GRID2: variants seen among roughly 807,000 people sequenced by gnomAD.
The protein encoded by GRID2 is glutamate receptor ionotropic, delta-2.
In GRID2, 33 loss-of-function variants were observed where a neutral mutation model predicts 114.8. The ratio of observed to expected loss-of-function variants is 0.29; its 90% CI spans 0.22 to 0.38. GRID2 has a LOEUF of 0.38. GRID2 is among the 10% of genes least tolerant of loss of function. The pLI, the probability that GRID2 is intolerant of heterozygous loss-of-function variation, is 1.00. For missense variants in GRID2, 1,184 were observed against 1,257.7 expected (o/e 0.94, Z 0.89); for synonymous variants, 505 against 449.9 (o/e 1.12, Z -1.55).
At chr4:92,862,668 TGG>T (rs1744607637) in intron 2 of GRID2, among the ~76,000 whole-genome samples, 1 of 152,126 alleles carries the variant, frequency 6.6e-6, no homozygotes. Context: ...AAAAGTTTTC[TGG>T]TACTTTGCAG....
intron 2 of GRID2, among the ~76,000 whole-genome samples, chr4:92,669,133 A>G (rs1275964156): frequency 6.6e-6 from 1 of 151,966 alleles, no homozygotes; most frequent in Non-Finnish European, 1.5e-5. Flanking sequence ...AATGTTTTGA[A>G]TATATACAAG....
chr4:92,654,842 G>A (rs536802377), intron 2 of GRID2, among the ~76,000 whole-genome samples: 27 of 151,968 alleles, frequency 1.8e-4, no homozygotes, highest in African/African-American at 5.8e-4. Flanking sequence ...TTCTCCCATT[G>A]AAGATGTTGT....
chr4:93,500,800 A>T (rs1184323854), intron 12 of GRID2, among the ~76,000 whole-genome samples: 2 of 151,984 alleles, frequency 1.3e-5, no homozygotes, highest in African/African-American at 4.8e-5. Flanking sequence ...GGGTCAGGAT[A>T]TATATTTGCC....
chr4:93,393,090 CAT>C (rs1272403080), intron 8 of GRID2, among the ~76,000 whole-genome samples: 1 of 151,950 alleles, frequency 6.6e-6, no homozygotes, highest in Non-Finnish European at 1.5e-5. Context: ...ACCCCATTAT[CAT>C]ATGTGATAAG....
chr4:93,236,688 C>A (rs1358987146), intron 7 of GRID2, among the ~76,000 whole-genome samples: 2 of 152,070 alleles, frequency 1.3e-5, no homozygotes, highest in Non-Finnish European at 2.9e-5. Context: ...TATACACACA[C>A]CAGTGAAAGG....
intron 14 of GRID2, among the ~76,000 whole-genome samples, chr4:93,754,422 G>A (rs1049571109): frequency 1.3e-5 from 2 of 152,084 alleles, no homozygotes; most frequent in African/African-American, 4.8e-5. Context: ...CTGTTCTCAC[G>A]TTACTCTTCT....
At chr4:93,370,624 T>G (rs984032654) in intron 8 of GRID2, among the ~76,000 whole-genome samples, 1 of 152,312 alleles carries the variant, frequency 6.6e-6, no homozygotes, top group South Asian at 2.1e-4. Flanking sequence ...TCCCTCTTTT[T>G]TCTGCTTTAA....
At chr4:92,654,234 A>G (rs902039116) in intron 2 of GRID2, among the ~76,000 whole-genome samples, 2 of 151,986 alleles carry the variant, frequency 1.3e-5, no homozygotes, top group East Asian at 1.9e-4. Context: ...TGACTCTCCT[A>G]TCCTCACATG....
rs187797091 is a variant in GRID2 at position 93,329,947 on chromosome 4, C to T, written c.1246-65660C>T. 4.6e-5 allele frequency among the ~76,000 whole-genome samples: 7 copies of T among 151,934 alleles called. No homozygotes were observed. The East Asian group carries it at 7.7e-4, about 17-fold the overall frequency. ...AATTGTACTTTTTGTGCAGCTTCTG[C>T]TCTCTGAATAATCTGATTACATCTC... is the stretch of plus-strand genomic sequence containing the variant. On this transcript the variant is annotated intron_variant, in intron 8 of 15. Transcript: ENST00000282020.
intron 1 of GRID2, among the ~76,000 whole-genome samples, chr4:93,790,833 G>A (rs1363553980): frequency 6.6e-6 from 1 of 152,148 alleles, no homozygotes; most frequent in Non-Finnish European, 1.5e-5. Context: ...TGCTACCCTA[G>A]GCAAGTTACT....
chr4:93,530,189 G>T (rs1014924082), intron 13 of GRID2, among the ~76,000 whole-genome samples: 7 of 152,020 alleles, frequency 4.6e-5, no homozygotes, highest in Admixed American at 1.3e-4. Context: ...TAACTAATTG[G>T]CCCCCTCCTG....
intron 2 of GRID2, among the ~76,000 whole-genome samples, chr4:92,617,535 A>G (rs1730059485): frequency 6.6e-6 from 1 of 151,684 alleles, no homozygotes; most frequent in African/African-American, 2.4e-5. Context: ...TGTTGCTATA[A>G]ATGACAGGAT....
intron 2 of GRID2, among the ~76,000 whole-genome samples, chr4:92,942,974 C>T (rs183859553): frequency 6.6e-6 from 1 of 152,146 alleles, no homozygotes; most frequent in Non-Finnish European, 1.5e-5. Context: ...TGTGGGTAAC[C>T]CGACCTTTCT....
chr4:92,718,842 A>G (rs1315532172), intron 2 of GRID2, among the ~76,000 whole-genome samples: 1 of 149,164 alleles, frequency 6.7e-6, no homozygotes, highest in Non-Finnish European at 1.5e-5. Context: ...TACTCTCTTT[A>G]TTATTTATTA....
chr4:93,446,769 A>C (rs1484781539), intron 10 of GRID2, among the ~76,000 whole-genome samples: 1 of 152,004 alleles, frequency 6.6e-6, no homozygotes, highest in Non-Finnish European at 1.5e-5. Context: ...GTTGAACATA[A>C]CCACATCTGT....
In GRID2 at chr4:93,002,854, C is replaced by CG. The variant is rs1300176825; in HGVS notation, c.245-82141_245-82140insG. The stretch of plus-strand genomic sequence containing the variant: ...CAACAGGGCTGGCTTCTTTTGGAGG[C>CG]TGTAGGGGAGAATCCATTTCTTCAT... On this transcript the variant is annotated intron_variant, in intron 2 of 15. Transcript: ENST00000282020. 3.3e-5 allele frequency among the ~76,000 whole-genome samples: 5 copies of CG among 151,854 alleles called. No individual in the cohort carries two copies. The South Asian group carries it at 8.3e-4, about 25-fold the overall frequency.
At chr4:93,712,897 T>G (rs556041014) in intron 14 of GRID2, among the ~76,000 whole-genome samples, 57 of 152,264 alleles carry the variant, frequency 3.7e-4, no homozygotes, top group African/African-American at 1.2e-3. Context: ...TCCATCCAAT[T>G]TGTAAGGGTA....
downstream of GRID2, among the ~76,000 whole-genome samples, chr4:93,776,202 A>G (rs1351363454): frequency 1.3e-5 from 2 of 152,190 alleles, no homozygotes; most frequent in Non-Finnish European, 2.9e-5. Context: ...TTTTCTTTCA[A>G]AAAACAAATC....
At chr4:93,799,936 T>G (rs1458815105) in intron 1 of GRID2, among the ~76,000 whole-genome samples, 1 of 152,204 alleles carries the variant, frequency 6.6e-6, no homozygotes, top group East Asian at 1.9e-4. Flanking sequence ...TATTCATGAA[T>G]CAAATAAATG....
Sources: gnomAD v4.1 joint callset for allele counts (sites outside exome capture counted in the v4.1 genomes callset) on GRCh38, gnomAD v4.1.1 for gene constraint, MANE v1.5 for transcripts, NCBI Gene and HGNC (gene_info 2026-07-23, HGNC 2026-07-21) for gene names.